MECOM: variants seen among roughly 807,000 people sequenced by gnomAD.
MECOM encodes the protein MDS1 and EVI1 complex locus, also known as histone-lysine N-methyltransferase MECOM.
In MECOM, 13 loss-of-function variants were observed where a neutral mutation model predicts 116.3. The observed-to-expected ratio is 0.11, with a 90% CI of 0.07 to 0.18. The LOEUF (loss-of-function observed/expected upper bound fraction) is 0.18. Ranked by LOEUF, MECOM falls within the 10% of genes least tolerant of loss-of-function variation. The probability of loss-of-function intolerance (pLI) is 1.00; values close to 1 mark genes in which losing one functional copy is unlikely to be tolerated. For missense variants in MECOM, 1,299 were observed against 1,509.0 expected (o/e 0.86, Z 2.31); for synonymous variants, 528 against 535.2 (o/e 0.99, Z 0.19).
chr3:169,269,973 TG>T (rs1758737393), intron 2 of MECOM, among the ~76,000 whole-genome samples: 1 of 151,996 alleles, frequency 6.6e-6, no homozygotes, highest in African/African-American at 2.4e-5. Flanking sequence ...TAAAGGTGTG[TG>T]TGTGTGTGTG....
At chr3:169,596,189 C>T (rs562775244) in intron 1 of MECOM, among the ~76,000 whole-genome samples, 7 of 152,068 alleles carry the variant, frequency 4.6e-5, no homozygotes, top group East Asian at 1.9e-4. Flanking sequence ...ATTATACTTC[C>T]GAGAGATGTG....
chr3:169,281,363 A>G (rs1310736541), intron 2 of MECOM, among the ~76,000 whole-genome samples: 1 of 152,222 alleles, frequency 6.6e-6, no homozygotes, highest in Non-Finnish European at 1.5e-5. Flanking sequence ...ATTGGGAAAC[A>G]TATACTGATT....
At chr3:169,231,190 G>A (rs1753349644) in intron 2 of MECOM, among the ~76,000 whole-genome samples, 2 of 151,962 alleles carry the variant, frequency 1.3e-5, no homozygotes, top group Admixed American at 6.6e-5. Context: ...AATAAAATTG[G>A]AAGCTTCTCA....
At chr3:169,605,378 T>TGG (rs879688318) in intron 1 of MECOM, among the ~76,000 whole-genome samples, 37 of 152,342 alleles carry the variant, frequency 2.4e-4, no homozygotes, top group Non-Finnish European at 4.9e-4. Flanking sequence ...ATTTTTAAAC[T>TGG]CAGACACATG....
At chr3:169,440,260 A>G (rs1266522961) in intron 1 of MECOM, among the ~76,000 whole-genome samples, 1 of 152,124 alleles carries the variant, frequency 6.6e-6, no homozygotes, top group African/African-American at 2.4e-5. Context: ...GTAATAAAAT[A>G]ATAATAATTA....
chr3:169,468,735 G>T (rs779471104), intron 1 of MECOM, among the ~76,000 whole-genome samples: 1 of 152,178 alleles, frequency 6.6e-6, no homozygotes, highest in Non-Finnish European at 1.5e-5. Context: ...GGTAGCAATT[G>T]TTGTAACCAT....
intron 16 of MECOM, 93 bp from the exon 17 acceptor site, chr3:169,085,136 A>G: frequency 6.7e-7 from 1 of 1,501,082 alleles, no homozygotes; most frequent in Non-Finnish European, 9.2e-7. Flanking sequence ...AAGGGATGGG[A>G]CCCTGAGTAG....
intron 2 of MECOM, among the ~76,000 whole-genome samples, chr3:169,338,937 A>C (rs1017612994): frequency 1.3e-5 from 2 of 152,158 alleles, no homozygotes; most frequent in East Asian, 3.8e-4. Context: ...TCAGAGTAAA[A>C]ATTTGGAACC....
In MECOM at chr3:169,381,428, T is replaced by G. The variant is rs1171738129; in HGVS notation, c.134A>C (p.Glu45Ala). The change falls in exon 2 of 17, where the codon GAG becomes GCG. Residue 45 changes from glutamate (E) to alanine (A), a missense_variant. By Grantham distance (107) the Glu-to-Ala change is moderately radical. This residue lies in a region of MECOM where 374 missense variants were observed against 433.4 expected (regional missense o/e 0.86). Transcript: ENST00000651503. The part of the protein sequence containing the change: ...VASTPSLNIQ[E>A]PCSPATSSEA... ...ACTGGATGTGGCAGGAGAGCATGGC[T>G]CTTGAATATTGAGGGAGGGAGTGCT... 1 of 1,613,832 alleles carries G rather than the reference T, an allele frequency of 6.2e-7. No individual in the cohort carries two copies. The highest frequency in any genetic ancestry group is 1.1e-5 in the South Asian group (1 of 91,074).
At chr3:169,464,531 A>G (rs1196768110) in intron 1 of MECOM, among the ~76,000 whole-genome samples, 1 of 151,978 alleles carries the variant, frequency 6.6e-6, no homozygotes, top group Non-Finnish European at 1.5e-5. Context: ...ATTCACTCTC[A>G]TTCTACCTGC....
chr3:169,339,744 A>G (rs1724170675), intron 2 of MECOM, among the ~76,000 whole-genome samples: 2 of 152,166 alleles, frequency 1.3e-5, no homozygotes, highest in South Asian at 4.1e-4. Context: ...AAAACAAGTA[A>G]AAAATGACAT....
At chr3:169,160,736 T>G (rs1396354585) in intron 2 of MECOM, among the ~76,000 whole-genome samples, 2 of 152,040 alleles carry the variant, frequency 1.3e-5, no homozygotes, top group Non-Finnish European at 2.9e-5. Context: ...TACCCTCATT[T>G]AACCTGATGA....
At chr3:169,268,835 T>G (rs1202807556) in intron 2 of MECOM, among the ~76,000 whole-genome samples, 2 of 152,150 alleles carry the variant, frequency 1.3e-5, no homozygotes, top group East Asian at 3.9e-4. Context: ...TACAAAACAT[T>G]TATTAAAATG....
chr3:169,561,176 G>C (rs117655387), intron 1 of MECOM, among the ~76,000 whole-genome samples: 3 of 151,822 alleles, frequency 2.0e-5, no homozygotes, highest in Non-Finnish European at 1.5e-5. Context: ...CGATGTAAGG[G>C]TATATGAATA....
In MECOM at chr3:169,283,218, A is replaced by G. The variant is rs529868467; in HGVS notation, c.375+97969T>C. Among the ~76,000 whole-genome samples the G allele has an allele frequency of 1.5e-3, 221 of 152,296 alleles. 2 individuals carry two copies. The highest frequency in any genetic ancestry group is 5.0e-3 in the African/African-American group (206 of 41,562). Reference sequence around the variant, plus strand: ...AAATGAATACACTTATTACAAAAAAAGAGGTCAGGCATGGTGGCTCATGCC... The same window carrying G: ...AAATGAATACACTTATTACAAAAAAGGAGGTCAGGCATGGTGGCTCATGCC... On this transcript the variant is annotated intron_variant, in intron 2 of 16. Transcript: ENST00000651503.
intron 1 of MECOM, among the ~76,000 whole-genome samples, chr3:169,458,830 T>C (rs1391241786): frequency 6.6e-6 from 1 of 152,184 alleles, no homozygotes; most frequent in African/African-American, 2.4e-5. Flanking sequence ...GCAGGGCGAT[T>C]AGGAAGTAAT....
At chr3:169,542,942 G>T (rs1377301199) in intron 1 of MECOM, among the ~76,000 whole-genome samples, 1 of 152,214 alleles carries the variant, frequency 6.6e-6, no homozygotes, top group Non-Finnish European at 1.5e-5. Flanking sequence ...CTTGGAATCT[G>T]TGATAATATG....
At chr3:169,497,559 T>C (rs575497255) in intron 1 of MECOM, among the ~76,000 whole-genome samples, 1 of 152,226 alleles carries the variant, frequency 6.6e-6, no homozygotes, top group South Asian at 2.1e-4. Flanking sequence ...AGTTTTACCA[T>C]GTTGGCCAGG....
chr3:169,321,936 G>A (rs1394416925), intron 2 of MECOM, among the ~76,000 whole-genome samples: 2 of 152,196 alleles, frequency 1.3e-5, no homozygotes, highest in African/African-American at 2.4e-5. Context: ...GGGAGCCACC[G>A]AAGTGATTTT....
Sources: gnomAD v4.1 joint callset for allele counts (sites outside exome capture counted in the v4.1 genomes callset) on GRCh38, gnomAD v4.1.1 for gene constraint, gnomAD v4.1.1 regional missense constraint, MANE v1.5 for transcripts, NCBI Gene and HGNC (gene_info 2026-07-23, HGNC 2026-07-21) for gene names.